Variants in MED13 observed in about 807,000 individuals in gnomAD.
MED13 encodes the protein mediator of RNA polymerase II transcription subunit 13.
MED13 carries 23 observed loss-of-function variants against 225.2 expected under a neutral mutation model. The observed-to-expected ratio is 0.10, with a 90% confidence interval of 0.07 to 0.14. MED13 has a LOEUF of 0.14. Among genes scored for constraint, MED13 ranks in the 10% least tolerant of loss-of-function variants. The pLI, the probability that MED13 is intolerant of heterozygous loss-of-function variation, is 1.00. For missense variants in MED13, 2,197 were observed against 2,594.5 expected, an observed-to-expected ratio of 0.85 and a Z score of 3.33; for synonymous variants, 942 against 889.2, an observed-to-expected ratio of 1.06 and a Z score of -1.06.
chr17:62,034,380 G>A (rs981127466), intron 4 of MED13, among the ~76,000 whole-genome samples: 3 of 151,676 alleles, frequency 2.0e-5, no homozygotes, highest in Non-Finnish European at 2.9e-5. Context: ...CCAGCTACTC[G>A]GGAGGCTGAG....
At chr17:61,956,864 G>C (rs2143317684) in intron 23 of MED13, among the ~76,000 whole-genome samples, 1 of 152,136 alleles carries the variant, frequency 6.6e-6, no homozygotes, top group Admixed American at 6.5e-5. Flanking sequence ...TCAAATTTGT[G>C]AAAAACAGAT....
intron 16 of MED13, among the ~76,000 whole-genome samples, chr17:61,978,006 T>C (rs893925309): frequency 4.6e-5 from 7 of 152,208 alleles, no homozygotes; most frequent in South Asian, 2.1e-4. Context: ...AAAAAACATA[T>C]ACCAGGTAAA....
intron 10 of MED13, among the ~76,000 whole-genome samples, chr17:61,993,314 G>A (rs748955720): frequency 8.4e-5 from 12 of 142,980 alleles, no homozygotes; most frequent in Non-Finnish European, 1.3e-4. Flanking sequence ...AGATTCTCCC[G>A]CCTCAGCCTC....
At position 61,982,519 on chromosome 17, in the gene MED13, G is replaced by A. The variant is rs546862897; in HGVS notation, c.3484C>T (p.Arg1162Cys). ...GAGGTAGCCCTGAGAGCTTCAAAAC[G>A]TTTTTCTGCTTCTTTGCCACAGTCT... ...NTDCGKEAEK[R>C]FEALRATSAE... is the part of the protein sequence containing the mutation. The change falls in exon 16 of 30, where the codon CGT becomes TGT. Residue 1162 changes from arginine (R) to cysteine (C), a missense_variant. Transcript: ENST00000397786. 21 of 1,613,988 alleles carry A rather than the reference G, an allele frequency of 1.3e-5. No individual in the cohort carries two copies. Among genetic ancestry groups the A allele is most frequent in the East Asian group, 8.9e-5 (4 of 44,898 alleles).
At chr17:62,012,433 G>A (rs2080520063) in intron 8 of MED13, among the ~76,000 whole-genome samples, 1 of 148,980 alleles carries the variant, frequency 6.7e-6, no homozygotes, top group African/African-American at 2.5e-5. Context: ...GGGTTCAAGC[G>A]ATTCTCCTGC....
intron 23 of MED13, among the ~76,000 whole-genome samples, chr17:61,960,194 T>C (rs1454946708): frequency 1.3e-5 from 2 of 152,206 alleles, no homozygotes; most frequent in African/African-American, 4.8e-5. Context: ...CTATTAGTTA[T>C]ATCCTTCGTA....
rs542482569 is a variant in MED13 at position 62,054,689 on chromosome 17, A to C, written c.302-1984T>G. On this transcript the variant is annotated intron_variant, in intron 2 of 29. Coordinates refer to ENST00000397786, the MANE Select transcript of MED13 (RefSeq NM_005121.3). ...CCTACCATTTCAAAATTAAATAGCT[A>C]CATTAAGACTTTTACCTCAAATTAT... 5.3e-5 allele frequency among the ~76,000 whole-genome samples: 8 copies of C among 152,376 alleles called. No individual in the cohort carries two copies. In the East Asian group the frequency reaches 1.5e-3, roughly 29 times the overall value.
At chr17:61,987,564 A>AAAT (rs1285600746) in intron 11 of MED13, among the ~76,000 whole-genome samples, 1 of 152,200 alleles carries the variant, frequency 6.6e-6, no homozygotes, top group Non-Finnish European at 1.5e-5. Context: ...TTATTGTTTA[A>AAAT]AATCGAGAAA....
intron 3 of MED13, among the ~76,000 whole-genome samples, chr17:62,050,458 A>C (rs1266681543): frequency 2.0e-5 from 3 of 152,096 alleles, no homozygotes; most frequent in African/African-American, 7.2e-5. Context: ...CTAACCTCTC[A>C]ATAGAAAGTC....
rs2080337297 is a variant in MED13, at chr17:61,995,230, A to T, written c.2103T>A (p.Val701=). 6.2e-7 allele frequency: 1 copy of T among 1,613,758 alleles called. No homozygotes were observed. The highest frequency in any genetic ancestry group is 1.1e-5 in the South Asian group (1 of 91,062). Residue 701 remains valine (V), a synonymous_variant, in exon 10 of 30, where the codon GTT becomes GTA. Transcript: ENST00000397786. ...GAAAAAGGAATTCCTCATCTCCTTC[A>T]ACAAATGCATATGGATCAATTTTAG... ...QEPKIDPYAF[V]EGDEEFLFPD...
chr17:61,957,020 C>G (rs1458438355), intron 23 of MED13, among the ~76,000 whole-genome samples: 1 of 152,094 alleles, frequency 6.6e-6, no homozygotes, highest in Non-Finnish European at 1.5e-5. Context: ...TAAAACACCT[C>G]AATTCATCAG....
chr17:61,950,327 G>T (rs1201947393), intron 28 of MED13, among the ~76,000 whole-genome samples: 1 of 151,708 alleles, frequency 6.6e-6, no homozygotes, highest in African/African-American at 2.4e-5. Context: ...TAACAACAAG[G>T]GCCCTAGGAG....
At chr17:61,959,940 G>A (rs767981199) in intron 23 of MED13, among the ~76,000 whole-genome samples, 3 of 151,882 alleles carry the variant, frequency 2.0e-5, no homozygotes, top group South Asian at 2.1e-4. Context: ...TGCCCAGGCT[G>A]GTCTCGAACT....
chr17:62,020,173 C>T (rs2080625492), intron 8 of MED13, among the ~76,000 whole-genome samples: 1 of 151,710 alleles, frequency 6.6e-6, no homozygotes, highest in Admixed American at 6.6e-5. Flanking sequence ...GTTAGGTATG[C>T]AGTACTTTAA....
intron 3 of MED13, among the ~76,000 whole-genome samples, chr17:62,050,125 A>C (rs1020831372): frequency 6.6e-6 from 1 of 151,876 alleles, no homozygotes; most frequent in Non-Finnish European, 1.5e-5. Context: ...TTGGGAGGTC[A>C]AGGTGAGTGG....
chr17:62,010,496 T>G (rs188842593), intron 9 of MED13, 54 bp downstream of exon 9: 10 of 1,185,602 alleles, frequency 8.4e-6, no homozygotes, highest in Non-Finnish European at 1.1e-5. Context: ...TATTAAGAAC[T>G]TGCATCACTT....
chr17:61,971,808 C>T (rs927915975), intron 17 of MED13, among the ~76,000 whole-genome samples: 2 of 151,828 alleles, frequency 1.3e-5, no homozygotes, highest in Non-Finnish European at 2.9e-5. Flanking sequence ...GTGGCGTGCA[C>T]CCATACTCCC....
At chr17:61,999,127 T>TC (rs1391850350) in intron 9 of MED13, among the ~76,000 whole-genome samples, 1 of 152,098 alleles carries the variant, frequency 6.6e-6, no homozygotes, top group Non-Finnish European at 1.5e-5. Flanking sequence ...ATCAAAGGCA[T>TC]TCAGAACTAT....
Position 61,965,775 on chromosome 17 carries a change from TTCA to T in MED13, c.4382-310_4382-308del, listed in dbSNP as rs2080052636. On this transcript the variant is annotated intron_variant, in intron 19 of 29. Transcript: ENST00000397786. ...AATGTAAAAAAGGTATCTAGCAATATTCATCAAACTATTCAAAGGGTTTCTAAA... is the reference window on the plus strand; with the variant it reads ...AATGTAAAAAAGGTATCTAGCAATATTCAAACTATTCAAAGGGTTTCTAAA... Among the ~76,000 whole-genome samples the T allele has an allele frequency of 2.6e-5, 4 of 152,226 alleles. No homozygotes were observed. The South Asian group carries it at 8.3e-4, about 31-fold the overall frequency.
Sources: gnomAD v4.1 joint callset for allele counts (sites outside exome capture counted in the v4.1 genomes callset) on GRCh38, gnomAD v4.1.1 for gene constraint, MANE v1.5 for transcripts, NCBI Gene and HGNC (gene_info 2026-07-23, HGNC 2026-07-21) for gene names.